Variants in LILRA5 observed in about 807,000 individuals in gnomAD.
LILRA5 encodes leukocyte immunoglobulin like receptor A5.
Under a neutral mutation model 36.3 loss-of-function variants are expected in LILRA5, and 31 were observed. The observed-to-expected ratio is 0.85, with a 90% CI of 0.64 to 1.15. The LOEUF is 1.15. Among genes scored for constraint, LILRA5 ranks in the 50% most tolerant of loss-of-function variants. The pLI, the probability that LILRA5 is intolerant of heterozygous loss-of-function variation, is 0.00. For synonymous variants in LILRA5, 144 were observed against 144.8 expected (o/e 0.99, Z 0.04); for missense variants, 348 against 377.4 (o/e 0.92, Z 0.64).
intron 5 of LILRA5, chr19:54,308,357 AT>A (rs2147845818): frequency 3.4e-4 from 2 of 5,884 alleles, no homozygotes; most frequent in Admixed American, 3.2e-3. Flanking sequence ...ATATATAAAT[AT>A]ATATATATAT....
chr19:54,312,565 G>C lies in LILRA5; in HGVS notation c.60C>G (p.Ser20Arg), dbSNP rs147040228. The part of the protein sequence containing the change: ...QLQPVGGDAV[S>R]PALMVLLCLG... ...GGCAGAGCAGAACCATGAGGGCAGG[G>C]CTCACGGCGTCTCCTCCCACTGGCT... Residue 20 changes from serine (S) to arginine (R), a missense_variant, in exon 2 of 7, where the codon AGC (serine) becomes AGG (arginine). Transcript: ENST00000432233. 27 of 1,614,108 alleles carry C rather than the reference G, an allele frequency of 1.7e-5. No homozygotes were observed. The African/African-American group carries it at 3.6e-4, about 22-fold the overall frequency.
chr19:54,312,153 A>G lies in LILRA5; in HGVS notation c.125-5T>C. 6.2e-7 allele frequency: 1 copy of G among 1,613,394 alleles called. No individual in the cohort carries two copies. Among genetic ancestry groups the G allele is most frequent in the South Asian group, 1.1e-5 (1 of 91,048 alleles). ...GGGTGGCTTTGGAGAGGTTCCCTGG[A>G]AGGAAATCAGAGTCTGGGCTCCAAG... On this transcript the variant is annotated splice_region_variant and splice_polypyrimidine_tract_variant and intron_variant, in intron 3 of 6. Coordinates refer to ENST00000432233, the MANE Select transcript of LILRA5 (RefSeq NM_021250.4).
chr19:54,307,337 C>G lies in LILRA5; in HGVS notation c.*76G>C. The G allele has an allele frequency of 6.9e-7, 1 of 1,454,988 alleles. No homozygotes were observed. The highest frequency in any genetic ancestry group is 9.2e-7 in the Non-Finnish European group (1 of 1,092,120). 90.1% of individuals were successfully genotyped at this position (1,454,988 alleles called of 1,614,324 possible). A position where few individuals can be genotyped will look rare whatever the true frequency, so the allele number is the denominator to read the frequency against. On this transcript the variant is annotated 3_prime_UTR_variant, in exon 7 of 7. Coordinates refer to ENST00000432233, the MANE Select transcript of LILRA5 (RefSeq NM_021250.4). ...CCAGATGGCATAGGCCTCAGATGGT[C>G]TTCCCGAACCTCCTAGGACCATCAG...
chr19:54,312,618 G>A lies in LILRA5; in HGVS notation c.7C>T (p.Pro3Ser). Residue 3 changes from proline (P) to serine (S), a missense_variant, in exon 2 of 7, where the codon CCA becomes TCA. Pro to Ser is a moderately conservative substitution (Grantham distance 74). Transcript: ENST00000432233. ...AGCTGTGCAGATGGATGAGACCATG[G>A]TGCCTGGCAGGACAGAGAGACACAC... MAPWSHPSAQLQP... is the reference protein window; with the variant it reads MASWSHPSAQLQP... 2 of 1,614,128 alleles carry A rather than the reference G, an allele frequency of 1.2e-6. No homozygotes were observed. The highest frequency in any genetic ancestry group is 1.3e-5 in the African/African-American group (1 of 75,070).
chr19:54,311,632 C>A lies in LILRA5; in HGVS notation c.494G>T (p.Arg165Leu), dbSNP rs149754029. ...CAGAATGAACCTGTCGAATCTCAGC[C>A]GTGAGCCACACTGGAGGGTCACGTT... The part of the protein sequence containing the change: ...GENVTLQCGS[R>L]LRFDRFILTE... The change falls in exon 5 of 7, where the codon CGG (arginine) becomes CTG (leucine). Residue 165 changes from arginine (R) to leucine (L), a missense_variant. Coordinates refer to ENST00000432233, the MANE Select transcript of LILRA5 (RefSeq NM_021250.4). 90 of 1,614,016 alleles carry A rather than the reference C, an allele frequency of 5.6e-5. No homozygotes were observed. The highest frequency in any genetic ancestry group is 7.3e-5 in the Non-Finnish European group (86 of 1,180,016).
chr19:54,307,262 A>G lies in LILRA5; in HGVS notation c.*151T>C, dbSNP rs911924738. 11 of 559,410 alleles carry G rather than the reference A, an allele frequency of 2.0e-5. No individual in the cohort carries two copies. The highest frequency in any genetic ancestry group is 2.4e-5 in the Non-Finnish European group (9 of 375,182). 34.7% of individuals were successfully genotyped at this position (559,410 alleles called of 1,614,324 possible). On this transcript the variant is annotated 3_prime_UTR_variant, in exon 7 of 7. Transcript: ENST00000432233. Reference sequence around the variant, plus strand: ...CATCTCAAAAAAAAAAAAAAAAAAAAAAAAGAAAGAAAAGAAAAGAAAGAA... The same window carrying G: ...CATCTCAAAAAAAAAAAAAAAAAAAGAAAAGAAAGAAAAGAAAAGAAAGAA...
Position 54,313,060 on chromosome 19 carries a change from T to C in LILRA5, c.-41A>G, listed in dbSNP as rs779494912. 6.2e-7 allele frequency: 1 copy of C among 1,612,792 alleles called. No individual in the cohort carries two copies. Among genetic ancestry groups the C allele is most frequent in the Non-Finnish European group, 8.5e-7 (1 of 1,179,444 alleles). On this transcript the variant is annotated 5_prime_UTR_variant, in exon 1 of 7. Coordinates refer to ENST00000432233, the MANE Select transcript of LILRA5 (RefSeq NM_021250.4). ...AGCCCTGGAGATGCTTCAGGGAAGA[T>C]GCAGGTCCATGCCACAGGCAGACTC...
chr19:54,311,507 T>TG lies in LILRA5; in HGVS notation c.618dup (p.Ser207GlnfsTer24), dbSNP rs759891930. 3.1e-6 allele frequency: 5 copies of TG among 1,614,124 alleles called. No individual in the cohort carries two copies. The East Asian group carries it at 6.7e-5, about 22-fold the overall frequency. ...TAGCATCTGAGCATCCACCTGTGGCTGGGGGTCACAGGGCCCACAGGGAAC... is the reference window on the plus strand; with the variant it reads ...TAGCATCTGAGCATCCACCTGTGGCTGGGGGGTCACAGGGCCCACAGGGAAC... On this transcript the variant is annotated frameshift_variant, in exon 5 of 7. Transcript: ENST00000432233. LOFTEE classifies it high-confidence loss of function.
Position 54,311,496 on chromosome 19 carries a change from C to T in LILRA5, c.630G>A (p.Trp210Ter). 1 of 1,614,190 alleles carries T rather than the reference C, an allele frequency of 6.2e-7. No homozygotes were observed. Reference sequence around the variant, plus strand: ...TGCGAGAGCCATAGCATCTGAGCATCCACCTGTGGCTGGGGGTCACAGGGC... The same window carrying T: ...TGCGAGAGCCATAGCATCTGAGCATTCACCTGTGGCTGGGGGTCACAGGGC... ...PVGPVTPSHR[W>*]MLRCYGSRRH... The change falls in exon 5 of 7, where the codon TGG (tryptophan) becomes TGA (stop). Residue 210 changes from tryptophan (W) to a stop codon, truncating the protein, a stop_gained. Coordinates refer to ENST00000432233, the MANE Select transcript of LILRA5 (RefSeq NM_021250.4). LOFTEE classifies it high-confidence loss of function.
chr19:54,310,069 G>A, intron 5 of LILRA5: 1 of 296,556 alleles, frequency 3.4e-6, no homozygotes, highest in South Asian at 2.7e-5. Flanking sequence ...CGAGGCCTGA[G>A]CAGCCTCCTC....
chr19:54,312,197 T>A, intron 3 of LILRA5, 49 bp from the exon 4 acceptor site: 1 of 1,610,518 alleles, frequency 6.2e-7, no homozygotes, highest in Non-Finnish European at 8.5e-7. Context: ...ACCCCTCAGA[T>A]CCCAGCTCTC....
At chr19:54,307,613 G>C in intron 6 of LILRA5, 64 bp from the exon 7 acceptor site, 1 of 1,613,476 alleles carries the variant, frequency 6.2e-7, no homozygotes, top group South Asian at 1.1e-5. Context: ...AGGACCCCTG[G>C]ATGTCTCCCC....
rs369390199 is a variant in LILRA5, at chr19:54,313,024, A to G, written c.-5T>C. The stretch of plus-strand genomic sequence containing the variant: ...GCGTTGCGGGGTCCTTACCATGGTC[A>G]GTGATTTTTCAGCCCTGGAGATGCT... On this transcript the variant is annotated 5_prime_UTR_variant, in exon 1 of 7. Transcript: ENST00000432233. 181 of 1,611,722 alleles carry G rather than the reference A, an allele frequency of 1.1e-4. 1 individual carries two copies. The Middle Eastern group carries it at 1.7e-3, about 15-fold the overall frequency.
chr19:54,310,838 GC>G, intron 5 of LILRA5: 1 of 252,356 alleles, frequency 4.0e-6, no homozygotes. Context: ...ACAGGGCCCT[GC>G]GGGGTCAGGA....
chr19:54,308,196 C>T (rs964833133), intron 5 of LILRA5: 14 of 172,110 alleles, frequency 8.1e-5, no homozygotes, highest in Admixed American at 2.7e-4. Flanking sequence ...GAATCACAAA[C>T]AGCTGCCTCC....
intron 4 of LILRA5, 67 bp downstream of exon 4, chr19:54,311,797 A>G (rs1432092643): frequency 9.9e-6 from 16 of 1,611,962 alleles, no homozygotes; most frequent in Non-Finnish European, 1.4e-5. Flanking sequence ...AAAGGGAGAC[A>G]CCCCTGAGAG....
At chr19:54,312,205 C>G in intron 3 of LILRA5, 57 bp from the exon 4 acceptor site, 4 of 1,610,550 alleles carry the variant, frequency 2.5e-6, no homozygotes, top group East Asian at 2.2e-5. Flanking sequence ...GATCCCAGCT[C>G]TCAGCCCCAG....
intron 5 of LILRA5, 105 bp from the exon 6 acceptor site, chr19:54,307,853 A>G: frequency 1.1e-6 from 1 of 910,322 alleles, no homozygotes; most frequent in Admixed American, 1.9e-5. Context: ...GCCTCTCAAC[A>G]TGACTTTTAT....
chr19:54,311,123 T>G, intron 5 of LILRA5: 4 of 536,914 alleles, frequency 7.4e-6, no homozygotes, highest in Non-Finnish European at 1.2e-5. Flanking sequence ...GCCCAGCTAA[T>G]TTTTGTATTT....
Sources: gnomAD v4.1 joint callset for allele counts on GRCh38, gnomAD v4.1.1 for gene constraint, MANE v1.5 for transcripts, NCBI Gene and HGNC (gene_info 2026-07-23, HGNC 2026-07-21) for gene names.